The following LRRTM4 variants were observed in gnomAD, a reference collection of about 807,000 sequenced individuals.
LRRTM4 encodes the protein leucine-rich repeat transmembrane neuronal protein 4.
Under a neutral mutation model 47.6 loss-of-function variants are expected in LRRTM4, and 25 were observed. The ratio of observed to expected loss-of-function variants is 0.53; its 90% CI spans 0.38 to 0.73. The LOEUF (loss-of-function observed/expected upper bound fraction) is 0.73. Ranked by LOEUF, LRRTM4 falls within the 30% of genes least tolerant of loss-of-function variation. The pLI is 0.00. For synonymous variants in LRRTM4, 311 were observed against 269.5 expected, an observed-to-expected ratio of 1.15 and a Z score of -1.51; for missense variants, 638 against 713.4, an observed-to-expected ratio of 0.89 and a Z score of 1.20.
At chr2:76,767,622 T>A (rs1033885748) in intron 3 of LRRTM4, among the ~76,000 whole-genome samples, 1 of 152,178 alleles carries the variant, frequency 6.6e-6, no homozygotes, top group Non-Finnish European at 1.5e-5. Flanking sequence ...CAAACAGATT[T>A]TCAGGGTAGC....
chr2:77,056,955 C>A (rs1479446708), intron 3 of LRRTM4, among the ~76,000 whole-genome samples: 1 of 152,162 alleles, frequency 6.6e-6, no homozygotes, highest in East Asian at 1.9e-4. Context: ...CAAACTCAAC[C>A]TGTGTGCAAA....
At chr2:76,810,183 C>T (rs1670691991) in intron 3 of LRRTM4, among the ~76,000 whole-genome samples, 1 of 152,186 alleles carries the variant, frequency 6.6e-6, no homozygotes, top group Admixed American at 6.5e-5. Context: ...CACTCACTCA[C>T]TAACTGATGA....
intron 3 of LRRTM4, among the ~76,000 whole-genome samples, chr2:77,415,750 T>A (rs1441920927): frequency 6.6e-6 from 1 of 152,136 alleles, no homozygotes; most frequent in Non-Finnish European, 1.5e-5. Context: ...TATTTTGTAC[T>A]ATGGCTGCCT....
intron 3 of LRRTM4, among the ~76,000 whole-genome samples, chr2:77,028,492 CACTTGAAA>C (rs760447115): frequency 5.9e-5 from 9 of 152,036 alleles, no homozygotes; most frequent in Admixed American, 1.3e-4. Context: ...TCAAAAATTT[CACTTGAAA>C]ACTGGATTAT....
At chr2:77,363,997 T>C (rs1484125386) in intron 3 of LRRTM4, among the ~76,000 whole-genome samples, 2 of 152,106 alleles carry the variant, frequency 1.3e-5, no homozygotes, top group Non-Finnish European at 2.9e-5. Flanking sequence ...GTTACGAAAT[T>C]ACTGAAGATA....
chr2:77,136,869 G>T (rs1393549134), intron 3 of LRRTM4, among the ~76,000 whole-genome samples: 1 of 151,950 alleles, frequency 6.6e-6, no homozygotes, highest in East Asian at 1.9e-4. Context: ...TGGAAGAAAG[G>T]GTATGAGTGA....
chr2:76,843,147 G>C (rs529992480), intron 3 of LRRTM4, among the ~76,000 whole-genome samples: 5 of 152,026 alleles, frequency 3.3e-5, no homozygotes, highest in African/African-American at 9.6e-5. Flanking sequence ...TTTTTGCATG[G>C]TTAGGTAAAT....
intron 3 of LRRTM4, among the ~76,000 whole-genome samples, chr2:77,013,542 G>C (rs1344098447): frequency 1.3e-5 from 2 of 151,572 alleles, no homozygotes; most frequent in African/African-American, 4.9e-5. Context: ...AGTACTATCT[G>C]TATCAATGGG....
intron 3 of LRRTM4, among the ~76,000 whole-genome samples, chr2:76,950,421 GC>G (rs1294875869): frequency 1.3e-5 from 2 of 151,870 alleles, no homozygotes; most frequent in East Asian, 3.9e-4. Context: ...AATCATCCCT[GC>G]CTGTACTTTC....
intron 3 of LRRTM4, among the ~76,000 whole-genome samples, chr2:76,929,451 T>C (rs72821295): frequency 6.6e-6 from 1 of 152,080 alleles, no homozygotes; most frequent in Non-Finnish European, 1.5e-5. Flanking sequence ...CAGAGAATAT[T>C]TGTCCACCCA....
intron 3 of LRRTM4, among the ~76,000 whole-genome samples, chr2:76,979,249 T>G (rs1219955403): frequency 6.6e-6 from 1 of 151,998 alleles, no homozygotes; most frequent in Non-Finnish European, 1.5e-5. Flanking sequence ...TGAGTAAGTG[T>G]ACACAAGAAC....
At chr2:77,205,771 T>C (rs898278658) in intron 3 of LRRTM4, among the ~76,000 whole-genome samples, 2 of 152,214 alleles carry the variant, frequency 1.3e-5, no homozygotes, top group Non-Finnish European at 2.9e-5. Context: ...CATTATATTA[T>C]GATTGCTGAA....
chr2:77,428,990 T>C (rs562000599), intron 3 of LRRTM4, among the ~76,000 whole-genome samples: 4 of 152,188 alleles, frequency 2.6e-5, no homozygotes, highest in Non-Finnish European at 2.9e-5. Flanking sequence ...CTTTACTGGG[T>C]AGGAAAGTTT....
chr2:77,110,090 A>G (rs1212441700), intron 3 of LRRTM4, among the ~76,000 whole-genome samples: 2 of 152,200 alleles, frequency 1.3e-5, no homozygotes, highest in Non-Finnish European at 2.9e-5. Flanking sequence ...GTTGAAAGGC[A>G]TGAATCCTTA....
At chr2:77,329,011 G>A (rs544320562) in intron 3 of LRRTM4, among the ~76,000 whole-genome samples, 3 of 152,260 alleles carry the variant, frequency 2.0e-5, no homozygotes, top group Non-Finnish European at 4.4e-5. Flanking sequence ...ATAAGGAATA[G>A]CCAGGATTTC....
At chr2:77,511,361 G>A (rs901966127) in intron 3 of LRRTM4, among the ~76,000 whole-genome samples, 1 of 151,906 alleles carries the variant, frequency 6.6e-6, no homozygotes, top group Non-Finnish European at 1.5e-5. Flanking sequence ...GAAGATACAT[G>A]AGTGTTTAAT....
At chr2:77,113,962 TAAG>T (rs1558586825) in intron 3 of LRRTM4, among the ~76,000 whole-genome samples, 1 of 151,948 alleles carries the variant, frequency 6.6e-6, no homozygotes, top group Non-Finnish European at 1.5e-5. Context: ...GGAAATAAAA[TAAG>T]ATCACCAGGG....
intron 3 of LRRTM4, among the ~76,000 whole-genome samples, chr2:77,261,288 T>A (rs1284458340): frequency 6.6e-6 from 1 of 152,130 alleles, no homozygotes; most frequent in Non-Finnish European, 1.5e-5. Flanking sequence ...TTTCCCTACA[T>A]TTCCCAGTCC....
intron 3 of LRRTM4, among the ~76,000 whole-genome samples, chr2:76,905,099 C>A (rs569028718): frequency 2.0e-5 from 3 of 152,120 alleles, no homozygotes; most frequent in Non-Finnish European, 4.4e-5. Context: ...GAGGCACCCC[C>A]CAGTAGGGGC....
Sources: gnomAD v4.1 joint callset for allele counts (sites outside exome capture counted in the v4.1 genomes callset) on GRCh38, gnomAD v4.1.1 for gene constraint, MANE v1.5 for transcripts, NCBI Gene and HGNC (gene_info 2026-07-23, HGNC 2026-07-21) for gene names.